NREP: variants seen among roughly 807,000 people sequenced by gnomAD.
NREP encodes the protein neuronal regeneration related protein.
A neutral mutation model predicts 8.6 loss-of-function variants in NREP; 5 were observed. The observed-to-expected ratio is 0.58, with a 90% CI of 0.30 to 1.22. NREP has a LOEUF of 1.22. Among genes scored for constraint, NREP ranks in the 50% most tolerant of loss-of-function variants. The pLI is 0.07. For synonymous variants in NREP, 27 were observed against 28.0 expected (o/e 0.96, Z 0.11); for missense variants, 86 against 82.5 (o/e 1.04, Z -0.17).
At chr5:111,951,083 A>G (rs1057289118) in intron 2 of NREP, among the ~76,000 whole-genome samples, 2 of 152,110 alleles carry the variant, frequency 1.3e-5, no homozygotes, top group African/African-American at 4.8e-5. Flanking sequence ...AAGACAATGT[A>G]TATAATTGTT....
chr5:111,782,852 A>C (rs1751524662), intron 2 of NREP, among the ~76,000 whole-genome samples: 1 of 151,738 alleles, frequency 6.6e-6, no homozygotes, highest in East Asian at 1.9e-4. Flanking sequence ...CTCATGCCTC[A>C]GTCTCCCGAG....
At chr5:111,945,717 G>A (rs570564016) in intron 2 of NREP, among the ~76,000 whole-genome samples, 1 of 151,716 alleles carries the variant, frequency 6.6e-6, no homozygotes, top group African/African-American at 2.4e-5. Context: ...TGGATCCAGG[G>A]TCTTACATGA....
At chr5:111,762,454 C>G (rs770969384), upstream of NREP, among the ~76,000 whole-genome samples, 2 of 151,954 alleles carry the variant, frequency 1.3e-5, no homozygotes, top group South Asian at 2.1e-4. Context: ...CCCCTCCCCC[C>G]ACACACCACC....
At chr5:111,841,036 G>C (rs1037128634) in intron 2 of NREP, among the ~76,000 whole-genome samples, 13 of 152,066 alleles carry the variant, frequency 8.5e-5, no homozygotes, top group African/African-American at 3.1e-4. Context: ...TATAGTCTTA[G>C]AAAAGGGATT....
At chr5:111,929,790 ACACT>A (rs1417037090) in intron 2 of NREP, among the ~76,000 whole-genome samples, 1 of 152,170 alleles carries the variant, frequency 6.6e-6, no homozygotes, top group African/African-American at 2.4e-5. Flanking sequence ...TGAGAAACTG[ACACT>A]CACAGATAGA....
intron 2 of NREP, among the ~76,000 whole-genome samples, chr5:111,970,618 G>C (rs1461055990): frequency 6.6e-6 from 1 of 151,982 alleles, no homozygotes; most frequent in East Asian, 1.9e-4. Context: ...TTGAGCTCAG[G>C]AGTTTGAGAC....
intron 2 of NREP, among the ~76,000 whole-genome samples, chr5:111,825,931 G>A (rs1036594262): frequency 2.0e-5 from 3 of 151,620 alleles, no homozygotes; most frequent in Admixed American, 2.0e-4. Context: ...AGGGAGTGTG[G>A]AAATATAATC....
intron 2 of NREP, among the ~76,000 whole-genome samples, chr5:111,847,316 G>C (rs1753201879): frequency 6.6e-6 from 1 of 152,106 alleles, no homozygotes; most frequent in Admixed American, 6.6e-5. Flanking sequence ...TGCACAGAGA[G>C]AAAGATCTTG....
chr5:111,875,940 G>A (rs547850618), intron 2 of NREP, among the ~76,000 whole-genome samples: 3 of 152,164 alleles, frequency 2.0e-5, no homozygotes, highest in Non-Finnish European at 4.4e-5. Flanking sequence ...GAAATGTAAG[G>A]GGTTTTATAC....
At chr5:111,789,061 C>G (rs753683678) in intron 2 of NREP, among the ~76,000 whole-genome samples, 1 of 152,168 alleles carries the variant, frequency 6.6e-6, no homozygotes, top group Non-Finnish European at 1.5e-5. Flanking sequence ...TTGGACTTGC[C>G]CACCTCCATA....
At chr5:111,838,823 A>G (rs1017041356) in intron 2 of NREP, among the ~76,000 whole-genome samples, 1 of 152,078 alleles carries the variant, frequency 6.6e-6, no homozygotes, top group Non-Finnish European at 1.5e-5. Context: ...AATCTATAAA[A>G]ACACATATAT....
At chr5:111,771,632 A>T (rs937152130) in intron 2 of NREP, among the ~76,000 whole-genome samples, 1 of 151,952 alleles carries the variant, frequency 6.6e-6, no homozygotes, top group Non-Finnish European at 1.5e-5. Flanking sequence ...GAGTGGTGGC[A>T]CATGCCTGTA....
chr5:111,884,771 AC>A (rs1754192697), intron 2 of NREP, among the ~76,000 whole-genome samples: 2 of 151,944 alleles, frequency 1.3e-5, no homozygotes, highest in Admixed American at 1.3e-4. Context: ...ACAAAATTCA[AC>A]AATGCTTCGT....
chr5:111,742,563 G>C (rs886528585), intron 2 of NREP, among the ~76,000 whole-genome samples: 1 of 152,046 alleles, frequency 6.6e-6, no homozygotes, highest in African/African-American at 2.4e-5. Flanking sequence ...TAATAGCAAA[G>C]ACTTTCAAGG....
intron 2 of NREP, among the ~76,000 whole-genome samples, chr5:111,891,561 C>T (rs1754394787): frequency 2.0e-5 from 3 of 152,084 alleles, no homozygotes; most frequent in Admixed American, 1.3e-4. Context: ...TCTTGCACTG[C>T]TATAAAGAAA....
chr5:111,778,595 C>T (rs1561662872), intron 2 of NREP, among the ~76,000 whole-genome samples: 1 of 152,156 alleles, frequency 6.6e-6, no homozygotes, highest in South Asian at 2.1e-4. Context: ...TTCCCACACT[C>T]CATTACATTT....
At chr5:111,873,229 A>G (rs1753828972) in intron 2 of NREP, among the ~76,000 whole-genome samples, 2 of 152,200 alleles carry the variant, frequency 1.3e-5, no homozygotes, top group African/African-American at 2.4e-5. Context: ...CTGAGGAGAG[A>G]TAAATGGGAG....
Position 111,847,719 on chromosome 5 carries a change from G to A in NREP, c.136-112212C>T, listed in dbSNP as rs150399636. ...TCTAAATTTGATGGCTTCTCTGAAT[G>A]TGAGACCTGGGCCAAATGGCTCCAG... On this transcript the variant is annotated intron_variant, in intron 2 of 3. Coordinates refer to the NREP transcript ENST00000395634. 3.3e-5 allele frequency among the ~76,000 whole-genome samples: 5 copies of A among 151,092 alleles called. No homozygotes were observed. The East Asian group carries it at 9.6e-4, about 29-fold the overall frequency.
At chr5:111,967,948 CTCCTATTAGGTTGGTGCAATT>C (rs1380273317) in intron 2 of NREP, among the ~76,000 whole-genome samples, 1 of 152,102 alleles carries the variant, frequency 6.6e-6, no homozygotes, top group Non-Finnish European at 1.5e-5. Flanking sequence ...ATAGCAGAAA[CTCCTATTAGGTTGGTGCAATT>C]ACTTTTGCAC....
Sources: allele counts gnomAD v4.1 joint callset (sites outside exome capture counted in the v4.1 genomes callset), GRCh38; gene constraint gnomAD v4.1.1; transcripts MANE v1.5; gene names NCBI Gene and HGNC (gene_info 2026-07-23, HGNC 2026-07-21).